The following ZBTB7C variants were observed in gnomAD, a reference collection of about 807,000 sequenced individuals.
ZBTB7C encodes the protein zinc finger and BTB domain-containing protein 7C.
Under a neutral mutation model 25.7 loss-of-function variants are expected in ZBTB7C, and 8 were observed. The ratio of observed to expected loss-of-function variants is 0.31; its 90% CI spans 0.18 to 0.56. The LOEUF is 0.56. Among genes scored for constraint, ZBTB7C ranks in the 20% least tolerant of loss-of-function variants. The pLI is 0.91. For synonymous variants in ZBTB7C, 394 were observed against 369.0 expected, an observed-to-expected ratio of 1.07 and a Z score of -0.78; for missense variants, 824 against 855.2, an observed-to-expected ratio of 0.96 and a Z score of 0.46.
At chr18:48,077,303 A>G (rs1050237879) in intron 3 of ZBTB7C, among the ~76,000 whole-genome samples, 1 of 152,190 alleles carries the variant, frequency 6.6e-6, no homozygotes, top group African/African-American at 2.4e-5. Context: ...CTCCAGACAC[A>G]CACACACAAA....
At chr18:48,235,198 A>T (rs1001964223) in intron 2 of ZBTB7C, among the ~76,000 whole-genome samples, 3 of 152,054 alleles carry the variant, frequency 2.0e-5, no homozygotes, top group Non-Finnish European at 4.4e-5. Flanking sequence ...CATTTATTTT[A>T]CCATTTTATA....
intron 2 of ZBTB7C, among the ~76,000 whole-genome samples, chr18:48,320,912 C>T (rs554559440): frequency 1.3e-5 from 2 of 152,368 alleles, no homozygotes; most frequent in East Asian, 3.9e-4. Context: ...GGCCTGCCAG[C>T]CCCATGCCTG....
chr18:48,277,574 A>G (rs1325883214), intron 2 of ZBTB7C, among the ~76,000 whole-genome samples: 3 of 152,250 alleles, frequency 2.0e-5, no homozygotes, highest in Non-Finnish European at 2.9e-5. Context: ...GAAGGCTAGA[A>G]CAACTAATAC....
intron 3 of ZBTB7C, among the ~76,000 whole-genome samples, chr18:48,145,028 C>T (rs2040458454): frequency 6.6e-6 from 1 of 152,148 alleles, no homozygotes; most frequent in Admixed American, 6.5e-5. Flanking sequence ...GGGGAGGCCT[C>T]TGCTCTAGAA....
intron 4 of ZBTB7C, among the ~76,000 whole-genome samples, chr18:48,031,407 C>G (rs2035741289): frequency 6.6e-6 from 1 of 152,138 alleles, no homozygotes; most frequent in South Asian, 2.1e-4. Flanking sequence ...ACTGCTCCTG[C>G]CTTTTTTCAA....
At chr18:48,116,992 C>T (rs1483278890) in intron 3 of ZBTB7C, among the ~76,000 whole-genome samples, 1 of 152,136 alleles carries the variant, frequency 6.6e-6, no homozygotes, top group African/African-American at 2.4e-5. Flanking sequence ...GGCATCTAAA[C>T]AGCAAGCTAT....
At chr18:48,041,179 T>C (rs2036228625) in intron 3 of ZBTB7C, 56 bp from the exon 4 acceptor site, 1 of 1,512,470 alleles carries the variant, frequency 6.6e-7, no homozygotes, top group Non-Finnish European at 8.8e-7. Flanking sequence ...CCAGGAGGGG[T>C]CTCAACTCTA....
chr18:48,201,105 C>T (rs1049397222), intron 2 of ZBTB7C, among the ~76,000 whole-genome samples: 1 of 152,206 alleles, frequency 6.6e-6, no homozygotes, highest in Admixed American at 6.5e-5. Flanking sequence ...CCCCTAAAGA[C>T]ATGGCTACAT....
At chr18:48,138,830 A>G (rs1568249242) in intron 3 of ZBTB7C, among the ~76,000 whole-genome samples, 1 of 152,180 alleles carries the variant, frequency 6.6e-6, no homozygotes, top group African/African-American at 2.4e-5. Context: ...AGACCCCAGG[A>G]GGTAAAGGTG....
At chr18:48,159,528 C>T (rs1453477416) in intron 3 of ZBTB7C, among the ~76,000 whole-genome samples, 1 of 152,172 alleles carries the variant, frequency 6.6e-6, no homozygotes, top group Non-Finnish European at 1.5e-5. Flanking sequence ...ACAAATCATG[C>T]CTACACTAAT....
chr18:48,389,461 AT>A (rs138527928), intron 1 of ZBTB7C, among the ~76,000 whole-genome samples: 4,300 of 97,602 alleles, frequency 0.044, 79 homozygotes, highest in Middle Eastern at 0.083. Flanking sequence ...TGACTCTTGG[AT>A]TTTTTTTTTT....
At chr18:48,359,753 G>T (rs541921210) in intron 1 of ZBTB7C, among the ~76,000 whole-genome samples, 1 of 152,336 alleles carries the variant, frequency 6.6e-6, no homozygotes, top group African/African-American at 2.4e-5. Context: ...CATGGATGGT[G>T]CAAAAGAGGA....
intron 3 of ZBTB7C, among the ~76,000 whole-genome samples, chr18:48,143,705 C>A (rs68145908): frequency 0.14 from 21,688 of 152,144 alleles, 2,225 homozygotes; most frequent in African/African-American, 0.29. Flanking sequence ...CTGCTAAGTC[C>A]GGTTAGCAAG....
chr18:48,292,734 T>C (rs2045269621), intron 2 of ZBTB7C, among the ~76,000 whole-genome samples: 1 of 152,154 alleles, frequency 6.6e-6, no homozygotes, highest in South Asian at 2.1e-4. Flanking sequence ...CCTCAATACC[T>C]GGGTATGACA....
At chr18:48,112,422 C>T (rs968984189) in intron 3 of ZBTB7C, among the ~76,000 whole-genome samples, 1 of 151,558 alleles carries the variant, frequency 6.6e-6, no homozygotes, top group Non-Finnish European at 1.5e-5. Flanking sequence ...TCTCAGCTCA[C>T]CACAACCCCT....
intron 3 of ZBTB7C, among the ~76,000 whole-genome samples, chr18:48,174,623 G>A (rs770415470): frequency 6.6e-6 from 1 of 152,188 alleles, no homozygotes. Flanking sequence ...AATATGAGAA[G>A]CTACCTAAGT....
intron 2 of ZBTB7C, among the ~76,000 whole-genome samples, chr18:48,198,601 C>T (rs539805077): frequency 2.0e-5 from 3 of 152,284 alleles, no homozygotes; most frequent in East Asian, 3.9e-4. Flanking sequence ...CCTGCAACCT[C>T]GGGCGAGCCC....
chr18:48,306,893 T>C (rs2045688603), intron 2 of ZBTB7C, among the ~76,000 whole-genome samples: 1 of 152,190 alleles, frequency 6.6e-6, no homozygotes, highest in Non-Finnish European at 1.5e-5. Flanking sequence ...ATATGCCCTT[T>C]GCATCGGAAT....
intron 2 of ZBTB7C, among the ~76,000 whole-genome samples, chr18:48,221,073 G>GTCCCAGTCTCCTCTACACTA (rs1568311456): frequency 2.1e-5 from 3 of 145,310 alleles, no homozygotes; most frequent in African/African-American, 7.8e-5. Context: ...CCTCTATACT[G>GTCCCAGTCTCCTCTACACTA]TCCCAGTCTC....
Sources: allele counts gnomAD v4.1 joint callset (sites outside exome capture counted in the v4.1 genomes callset), GRCh38; gene constraint gnomAD v4.1.1; transcripts MANE v1.5; gene names NCBI Gene and HGNC (gene_info 2026-07-23, HGNC 2026-07-21).